TSNAXIP1: variants seen among roughly 807,000 people sequenced by gnomAD.
The protein encoded by TSNAXIP1 is translin-associated factor X-interacting protein 1.
In TSNAXIP1, 89 loss-of-function variants were observed where a neutral mutation model predicts 84.8. The observed-to-expected ratio is 1.05, with a 90% CI of 0.88 to 1.25. The LOEUF (loss-of-function observed/expected upper bound fraction) is 1.25. TSNAXIP1 is among the 50% of genes most tolerant of loss of function. The probability of loss-of-function intolerance (pLI) is 0.00; values close to 1 mark genes in which losing one functional copy is unlikely to be tolerated. For synonymous variants in TSNAXIP1, 347 were observed against 335.2 expected, an observed-to-expected ratio of 1.04 and a Z score of -0.39; for missense variants, 874 against 887.6, an observed-to-expected ratio of 0.98 and a Z score of 0.20.
chr16:67,824,895 C>T, intron 6 of TSNAXIP1, 116 bp downstream of exon 6: 1 of 1,218,850 alleles, frequency 8.2e-7, no homozygotes, highest in Non-Finnish European at 1.2e-6. Flanking sequence ...TGAGCCACCA[C>T]CTTCCCCCAG....
chr16:67,814,158 T>C, intron 1 of TSNAXIP1, 144 bp from the exon 2 acceptor site: 1 of 640,328 alleles, frequency 1.6e-6, no homozygotes, highest in Non-Finnish European at 2.7e-6. Flanking sequence ...AGGGACTTGC[T>C]TGGCAGTGTC....
Position 67,827,623 on chromosome 16 carries a change from C to T in TSNAXIP1, c.1898+44C>T, listed in dbSNP as rs199917312. On this transcript the variant is annotated intron_variant, in intron 15 of 15. Coordinates refer to ENST00000561639, the MANE Select transcript of TSNAXIP1 (RefSeq NM_001288990.3). The stretch of plus-strand genomic sequence containing the variant: ...TAGGCGAGTCCCACAGGCTGGGCCC[C>T]TGAAGCCCCTGGGTCTCCCTGTGCA... 6.8e-6 allele frequency: 11 copies of T among 1,612,526 alleles called. No individual in the cohort carries two copies. The Admixed American group carries it at 1.8e-4, about 27-fold the overall frequency.
chr16:67,808,343 G>A (rs571741970), intron 1 of TSNAXIP1, among the ~76,000 whole-genome samples: 34 of 152,234 alleles, frequency 2.2e-4, no homozygotes, highest in Admixed American at 6.5e-4. Context: ...TTGGGAGGCC[G>A]AGGCGGGGGG....
At position 67,821,199 on chromosome 16, in the gene TSNAXIP1, G is replaced by C; in HGVS notation, c.361G>C (p.Asp121His). Reference sequence around the variant, plus strand: ...GCTCCTCCTGCTGGACCTGGGCACAGATTCCACCCAGGAACTAAGGCTGCA... The same window carrying C: ...GCTCCTCCTGCTGGACCTGGGCACACATTCCACCCAGGAACTAAGGCTGCA... ...KELLLLDLGTDSTQELRLQPY... is the reference protein window; with the variant it reads ...KELLLLDLGTHSTQELRLQPY... The change falls in exon 4 of 16, where the codon GAT becomes CAT. Residue 121 changes from aspartate to histidine, a missense_variant. Asp to His is a moderately conservative substitution (Grantham distance 81). Coordinates refer to ENST00000561639, the MANE Select transcript of TSNAXIP1 (RefSeq NM_001288990.3). 6 of 1,426,032 alleles carry C rather than the reference G, an allele frequency of 4.2e-6. No individual in the cohort carries two copies. The highest frequency in any genetic ancestry group is 5.7e-6 in the Non-Finnish European group (6 of 1,061,420). The allele number at this position is 1,426,032 out of a possible 1,614,324, so 88.3% of individuals were successfully genotyped here.
rs182354666 is a variant in TSNAXIP1, at chr16:67,827,979, G to A, written c.2125G>A (p.Glu709Lys). Residue 709 changes from glutamate (E) to lysine (K), a missense_variant, in exon 16 of 16, where the codon GAG becomes AAG. By Grantham distance (56) the Glu-to-Lys change is moderately conservative. Coordinates refer to ENST00000561639, the MANE Select transcript of TSNAXIP1 (RefSeq NM_001288990.3). ...CAGGCGTGTGGGACCTCGAGAGCCA[G>A]AGCCTGCAAGCTAGGAACTTGTGGG... ...DIRRVGPREP[E>K]PAS 1.1e-4 allele frequency: 171 copies of A among 1,613,194 alleles called. No individual in the cohort carries two copies. In the East Asian group the frequency reaches 1.8e-3, roughly 17 times the overall value.
chr16:67,821,261 GAA>G, intron 4 of TSNAXIP1, 36 bp downstream of exon 4: 11 of 741,874 alleles, frequency 1.5e-5, no homozygotes, highest in Non-Finnish European at 2.4e-5. Flanking sequence ...GAGGGCGGGG[GAA>G]GGGTGGGAAG....
At chr16:67,807,467 T>A (rs1321408551) in intron 1 of TSNAXIP1, 30 of 1,225,092 alleles carry the variant, frequency 2.4e-5, no homozygotes, top group East Asian at 1.1e-4. Flanking sequence ...ACCACATTTT[T>A]AAATATTTTA....
Position 67,807,023 on chromosome 16 carries a change from C to A in TSNAXIP1, c.-127C>A, listed in dbSNP as rs2151173289. On this transcript the variant is annotated 5_prime_UTR_variant, in exon 1 of 16. Transcript: ENST00000561639. ...AGCCCGCGGGCGCTAGGCTCGGGGG[C>A]GTGGCGCATCCCTGACTCCGCCCCC... The A allele has an allele frequency of 2.1e-6, 3 of 1,422,812 alleles. No homozygotes were observed. The highest frequency in any genetic ancestry group is 2.7e-5 in the South Asian group (2 of 72,942). 88.1% of individuals were successfully genotyped at this position (1,422,812 alleles called of 1,614,324 possible). A position where few individuals can be genotyped will look rare whatever the true frequency, so the allele number is the denominator to read the frequency against.
intron 10 of TSNAXIP1, 42 bp downstream of exon 10, chr16:67,826,324 A>C (rs180998128): frequency 6.3e-7 from 1 of 1,587,452 alleles, no homozygotes; most frequent in South Asian, 1.2e-5. Flanking sequence ...CAGAGTCAGA[A>C]CAGCCATGCC....
At chr16:67,825,620 T>C (rs765446700) in intron 7 of TSNAXIP1, 47 bp from the exon 8 acceptor site, 1 of 1,575,498 alleles carries the variant, frequency 6.3e-7, no homozygotes, top group East Asian at 2.2e-5. Context: ...AGGCAACCCC[T>C]GAGAAAGCCA....
At chr16:67,813,344 G>A (rs1019009169) in intron 1 of TSNAXIP1, among the ~76,000 whole-genome samples, 2 of 151,364 alleles carry the variant, frequency 1.3e-5, no homozygotes, top group African/African-American at 2.4e-5. Flanking sequence ...CTGAGATGGC[G>A]CCACTGCACT....
At chr16:67,813,731 C>CAAAAAAAAAAAA (rs373627128) in intron 1 of TSNAXIP1, among the ~76,000 whole-genome samples, 5 of 41,204 alleles carry the variant, frequency 1.2e-4, no homozygotes, top group Admixed American at 2.7e-4. Flanking sequence ...GACTCCGTCT[C>CAAAAAAAAAAAA]AAAAAAAAAA....
At position 67,827,255 on chromosome 16, in the gene TSNAXIP1, C is replaced by T. The variant is rs1254055432; in HGVS notation, c.1671C>T (p.Val557=). ...CCTCATGTCTCCCCTACAGCACTGT[C>T]CTCAAGAGTACCTTCCCTCTCAAGA... ...GLLTMEQFNT[V]LKSTFPLKTE... is the part of the protein sequence containing the mutation. The change falls in exon 14 of 16, where the codon GTC becomes GTT. Residue 557 remains valine, a synonymous_variant. Transcript: ENST00000561639. The T allele has an allele frequency of 6.2e-7, 1 of 1,614,174 alleles. No individual in the cohort carries two copies. Among genetic ancestry groups the T allele is most frequent in the Admixed American group, 1.7e-5 (1 of 60,024 alleles).
chr16:67,826,662 C>T (rs1188447378), intron 11 of TSNAXIP1, 30 bp from the exon 12 acceptor site: 12 of 1,611,810 alleles, frequency 7.4e-6, no homozygotes, highest in East Asian at 4.5e-5. Context: ...AACCGTAAGA[C>T]TCTGACTGAG....
chr16:67,821,137 A>C lies in TSNAXIP1; in HGVS notation c.299A>C (p.Gln100Pro). The change falls in exon 4 of 16, where the codon CAG becomes CCG. Residue 100 changes from glutamine to proline, a missense_variant. Transcript: ENST00000561639. ...CACCCCTTTCGCACTGCCAAGCCCC[A>C]GTACTTGGAGGAACTGGAAAACTAC... ...QQHPFRTAKP[Q>P]YLEELENYLR... The C allele has an allele frequency of 6.2e-7, 1 of 1,612,642 alleles. No homozygotes were observed.
chr16:67,819,377 G>C (rs1030022820), intron 2 of TSNAXIP1, among the ~76,000 whole-genome samples: 3 of 151,090 alleles, frequency 2.0e-5, no homozygotes, highest in African/African-American at 7.3e-5. Context: ...CCGAGTAACT[G>C]GGAATACAGG....
rs751168505 is a variant in TSNAXIP1 at position 67,827,867 on chromosome 16, G to A, written c.2013G>A (p.Ser671=). 2.2e-5 allele frequency: 36 copies of A among 1,614,002 alleles called. No homozygotes were observed. In the Admixed American group the frequency reaches 2.3e-4, roughly 10 times the overall value. The change falls in exon 16 of 16, where the codon TCG becomes TCA. Residue 671 remains serine, a synonymous_variant. Transcript: ENST00000561639. The part of the protein sequence containing the change: ...YMSQAFQLPE[S]EMPEEGDEKE... ...GCCAGGCCTTCCAGCTCCCTGAGTC[G>A]GAAATGCCAGAGGAGGGTGACGAGA...
intron 12 of TSNAXIP1, 38 bp from the exon 13 acceptor site, chr16:67,826,925 C>G (rs900808158): frequency 1.2e-6 from 2 of 1,613,020 alleles, no homozygotes; most frequent in African/African-American, 2.7e-5. Flanking sequence ...CCCACCACTC[C>G]CAGGAACAGC....
chr16:67,812,793 T>G (rs1203250681), intron 1 of TSNAXIP1, among the ~76,000 whole-genome samples: 1 of 151,756 alleles, frequency 6.6e-6, no homozygotes, highest in South Asian at 2.1e-4. Context: ...TAAATAAAAA[T>G]AGAGGCAAAG....
Sources: gnomAD v4.1 joint callset for allele counts (sites outside exome capture counted in the v4.1 genomes callset) on GRCh38, gnomAD v4.1.1 for gene constraint, MANE v1.5 for transcripts, NCBI Gene and HGNC (gene_info 2026-07-23, HGNC 2026-07-21) for gene names.